Variants in PTPRD observed in about 807,000 individuals in gnomAD.
PTPRD encodes the protein protein tyrosine phosphatase receptor type D.
A neutral mutation model predicts 214.5 loss-of-function variants in PTPRD; 34 were observed. That is an observed-to-expected ratio of 0.16 (90% CI 0.12 to 0.21). PTPRD has a LOEUF of 0.21. Ranked by LOEUF, PTPRD falls within the 10% of genes least tolerant of loss-of-function variation. The pLI, the probability that PTPRD is intolerant of heterozygous loss-of-function variation, is 1.00. For missense variants in PTPRD, 2,545 were observed against 2,398.7 expected (o/e 1.06, Z -1.27); for synonymous variants, 1,128 against 845.7 (o/e 1.33, Z -5.79).
chr9:10,051,024 A>ATTATG (rs1394246331), intron 3 of PTPRD, among the ~76,000 whole-genome samples: 1 of 152,140 alleles, frequency 6.6e-6, no homozygotes, highest in Non-Finnish European at 1.5e-5. Flanking sequence ...TGCTAAATGT[A>ATTATG]CTTTAAGCAT....
intron 10 of PTPRD, among the ~76,000 whole-genome samples, chr9:9,074,259 A>T (rs961030065): frequency 2.6e-5 from 4 of 152,260 alleles, no homozygotes; most frequent in African/African-American, 9.6e-5. Context: ...GATGGCTGAA[A>T]TACTGAAGTT....
intron 8 of PTPRD, among the ~76,000 whole-genome samples, chr9:9,473,189 T>A (rs753149273): frequency 1.3e-5 from 2 of 152,174 alleles, no homozygotes; most frequent in Non-Finnish European, 2.9e-5. Context: ...GATTTTTAGT[T>A]CTCACATATA....
intron 9 of PTPRD, among the ~76,000 whole-genome samples, chr9:9,352,310 C>CAT (rs35015743): frequency 0.018 from 2,470 of 140,948 alleles, 75 homozygotes; most frequent in African/African-American, 0.062. Flanking sequence ...GCCAAAAAAC[C>CAT]ATATATATAT....
chr9:9,079,977 T>C (rs915248801), intron 10 of PTPRD, among the ~76,000 whole-genome samples: 2 of 152,072 alleles, frequency 1.3e-5, no homozygotes, highest in African/African-American at 4.8e-5. Context: ...AAGCTACCAA[T>C]ACAATATTAA....
intron 14 of PTPRD, among the ~76,000 whole-genome samples, chr9:8,608,626 T>A (rs1056292663): frequency 2.0e-5 from 3 of 152,104 alleles, no homozygotes; most frequent in African/African-American, 7.2e-5. Flanking sequence ...ACTGTCCACA[T>A]ATATCAAATC....
chr9:8,504,396 T>C lies in PTPRD; in HGVS notation c.1687A>G (p.Thr563Ala). 6.2e-7 allele frequency: 1 copy of C among 1,614,064 alleles called. No homozygotes were observed. The highest frequency in any genetic ancestry group is 1.3e-5 in the African/African-American group (1 of 75,044). The change falls in exon 23 of 46, where the codon ACC becomes GCC. Residue 563 changes from threonine (T) to alanine (A), a missense_variant. Transcript: ENST00000381196. ...CTATATGATGTCCCTGGCTCAATGG[T>C]AATTCGTTGCTGGAAGCAATAAGAG... is the stretch of plus-strand genomic sequence containing the variant. ...DGEHGEEQRI[T>A]IEPGTSYRLQ...
chr9:8,516,641 G>C (rs2097785164), intron 21 of PTPRD, among the ~76,000 whole-genome samples: 1 of 151,994 alleles, frequency 6.6e-6, no homozygotes, highest in African/African-American at 2.4e-5. Context: ...AATGAGTTAT[G>C]TCTACAGATT....
chr9:10,442,118 A>G (rs1161826424), intron 2 of PTPRD, among the ~76,000 whole-genome samples: 2 of 151,748 alleles, frequency 1.3e-5, no homozygotes, highest in Non-Finnish European at 3.0e-5. Flanking sequence ...TTAGTCAAAT[A>G]CATTTGATTT....
intron 3 of PTPRD, among the ~76,000 whole-genome samples, chr9:10,193,661 A>G (rs1255821269): frequency 6.6e-6 from 1 of 152,192 alleles, no homozygotes; most frequent in Non-Finnish European, 1.5e-5. Flanking sequence ...AACCTGTTAC[A>G]GAATTTCTTT....
At chr9:8,567,849 G>A (rs1305129602) in intron 14 of PTPRD, among the ~76,000 whole-genome samples, 1 of 152,068 alleles carries the variant, frequency 6.6e-6, no homozygotes, top group Non-Finnish European at 1.5e-5. Flanking sequence ...TCAGGATCAA[G>A]GCATAGGTCT....
intron 2 of PTPRD, among the ~76,000 whole-genome samples, chr9:10,461,837 G>T (rs1475434009): frequency 2.0e-5 from 3 of 152,020 alleles, no homozygotes; most frequent in Non-Finnish European, 4.4e-5. Flanking sequence ...GGCCAGGCTG[G>T]TCTCGAGCTC....
chr9:8,683,262 G>A (rs1334972053), intron 12 of PTPRD, among the ~76,000 whole-genome samples: 4 of 151,986 alleles, frequency 2.6e-5, no homozygotes, highest in Admixed American at 1.3e-4. Context: ...TTGACTGTCA[G>A]GTTTGAAAGC....
intron 7 of PTPRD, among the ~76,000 whole-genome samples, chr9:9,583,442 C>T (rs1301981303): frequency 6.6e-6 from 1 of 151,970 alleles, no homozygotes; most frequent in Non-Finnish European, 1.5e-5. Context: ...TGGGTGCATT[C>T]CAAAAACGTC....
chr9:9,954,482 A>G (rs560313070), intron 4 of PTPRD, among the ~76,000 whole-genome samples: 2 of 152,108 alleles, frequency 1.3e-5, no homozygotes, highest in East Asian at 3.9e-4. Flanking sequence ...TAAGAGAACT[A>G]TTAATAAGAA....
At chr9:8,997,496 G>C (rs985093094) in intron 11 of PTPRD, among the ~76,000 whole-genome samples, 1 of 152,038 alleles carries the variant, frequency 6.6e-6, no homozygotes, top group African/African-American at 2.4e-5. Context: ...AAGTTCATAA[G>C]AGACAGTGAG....
intron 2 of PTPRD, among the ~76,000 whole-genome samples, chr9:10,547,860 A>G (rs1435770740): frequency 6.6e-6 from 1 of 152,122 alleles, no homozygotes; most frequent in Non-Finnish European, 1.5e-5. Flanking sequence ...GTGCTATATG[A>G]GGAATAACAT....
chr9:8,637,586 C>T (rs1303455264), intron 12 of PTPRD, among the ~76,000 whole-genome samples: 3 of 152,196 alleles, frequency 2.0e-5, no homozygotes, highest in African/African-American at 4.8e-5. Flanking sequence ...TTAAATGTTC[C>T]TAACATTCTT....
intron 6 of PTPRD, among the ~76,000 whole-genome samples, chr9:9,747,896 C>T (rs573141487): frequency 6.6e-5 from 10 of 151,974 alleles, no homozygotes; most frequent in African/African-American, 1.7e-4. Flanking sequence ...GCAGTATGGC[C>T]GGAATGTTTC....
intron 14 of PTPRD, among the ~76,000 whole-genome samples, chr9:8,531,014 G>A (rs2075552321): frequency 6.6e-6 from 1 of 152,058 alleles, no homozygotes; most frequent in Admixed American, 6.6e-5. Flanking sequence ...ATCAGACCAG[G>A]TAGTTAGGGC....
Sources: gnomAD v4.1 joint callset for allele counts (sites outside exome capture counted in the v4.1 genomes callset) on GRCh38, gnomAD v4.1.1 for gene constraint, MANE v1.5 for transcripts, NCBI Gene and HGNC (gene_info 2026-07-23, HGNC 2026-07-21) for gene names.